KIAA0513: variants seen among roughly 807,000 people sequenced by gnomAD.
KIAA0513 encodes uncharacterized protein KIAA0513.
KIAA0513 carries 39 observed loss-of-function variants against 56.5 expected under a neutral mutation model. That is an observed-to-expected ratio of 0.69 (90% CI 0.53 to 0.90). KIAA0513 has a LOEUF of 0.90. Among genes scored for constraint, KIAA0513 ranks in the 40% least tolerant of loss-of-function variants. The pLI is 0.00. For synonymous variants in KIAA0513, 268 were observed against 215.6 expected (o/e 1.24, Z -2.13); for missense variants, 591 against 535.2 (o/e 1.10, Z -1.03).
intron 1 of KIAA0513, among the ~76,000 whole-genome samples, chr16:85,033,613 G>C (rs1425810676): frequency 5.9e-5 from 9 of 152,060 alleles, no homozygotes; most frequent in African/African-American, 2.2e-4. Flanking sequence ...ATCTGACCAA[G>C]GGTGAGCCCT....
intron 1 of KIAA0513, among the ~76,000 whole-genome samples, chr16:85,045,934 C>T (rs1311650072): frequency 2.0e-5 from 3 of 152,174 alleles, no homozygotes; most frequent in Admixed American, 1.3e-4. Context: ...CCTGCAGGGC[C>T]AGGCAGATGA....
chr16:85,045,574 T>C (rs879852761), intron 1 of KIAA0513, among the ~76,000 whole-genome samples: 9 of 152,322 alleles, frequency 5.9e-5, no homozygotes, highest in Non-Finnish European at 1.2e-4. Flanking sequence ...CAGACTGGTC[T>C]CGAACTCCTG....
chr16:85,035,272 C>G (rs1029476467), intron 1 of KIAA0513, among the ~76,000 whole-genome samples: 1 of 152,162 alleles, frequency 6.6e-6, no homozygotes, highest in African/African-American at 2.4e-5. Context: ...TGTTGTCCTG[C>G]TCGTTCTTCG....
rs1028307363 is a variant in KIAA0513 at position 85,081,605 on chromosome 16, G to T, written c.980+213G>T. On this transcript the variant is annotated intron_variant, in intron 9 of 12. Coordinates refer to ENST00000683363, the MANE Select transcript of KIAA0513 (RefSeq NM_001388359.1). This position sits in a 1 kb window ranked among gnomAD's most constrained non-coding sequence, Gnocchi z 4.4. ...AGCTTGCATGAGCGCTTTCTGTCCT[G>T]GGGCTCTGGCATGACTTGGCCTGAC... Among the ~76,000 whole-genome samples, 1 of 152,100 alleles carries T rather than the reference G, an allele frequency of 6.6e-6. No homozygotes were observed. The highest frequency in any genetic ancestry group is 1.5e-5 in the Non-Finnish European group (1 of 68,010).
intron 1 of KIAA0513, among the ~76,000 whole-genome samples, chr16:85,056,886 G>A (rs1204305679): frequency 6.6e-6 from 1 of 152,038 alleles, no homozygotes; most frequent in African/African-American, 2.4e-5. Context: ...TAAATATTTT[G>A]TAGAGACAAG....
chr16:85,087,328 G>T (rs978715130), intron 12 of KIAA0513, among the ~76,000 whole-genome samples, 162 bp downstream of exon 12: 12 of 152,220 alleles, frequency 7.9e-5, no homozygotes, highest in Non-Finnish European at 2.9e-5. Flanking sequence ...TCCCCAGTCT[G>T]TATAGACAGA....
At chr16:85,034,382 A>G (rs1213577281) in intron 1 of KIAA0513, among the ~76,000 whole-genome samples, 1 of 152,156 alleles carries the variant, frequency 6.6e-6, no homozygotes, top group Non-Finnish European at 1.5e-5. Context: ...CTCCATCTCA[A>G]TAAACAGCGA....
intron 1 of KIAA0513, among the ~76,000 whole-genome samples, chr16:85,055,948 C>T (rs1338115950): frequency 6.6e-6 from 1 of 152,232 alleles, no homozygotes; most frequent in African/African-American, 2.4e-5. Context: ...GCAATCTGTG[C>T]TTTTTCTTTC....
Position 85,082,597 on chromosome 16 carries a change from T to TAC in KIAA0513, c.1010+4_1010+5insAC, listed in dbSNP as rs1198784391. 1 of 1,614,102 alleles carries TAC rather than the reference T, an allele frequency of 6.2e-7. No individual in the cohort carries two copies. Among genetic ancestry groups the TAC allele is most frequent in the Admixed American group, 1.7e-5 (1 of 60,020 alleles). On this transcript the variant is annotated splice_donor_region_variant and intron_variant, in intron 10 of 12. Coordinates refer to ENST00000683363, the MANE Select transcript of KIAA0513 (RefSeq NM_001388359.1). ...CTGGAGAGGAGGAGGAGAAGAGGTG[T>TAC]GTGTGTCCACGTGACTTTGTTCCAT...
At chr16:85,051,511 C>G (rs1448590566) in intron 1 of KIAA0513, among the ~76,000 whole-genome samples, 2 of 152,204 alleles carry the variant, frequency 1.3e-5, no homozygotes. Context: ...CCGCTTCCCT[C>G]AAAAGGAGAC....
rs564628140 is a variant in KIAA0513, at chr16:85,046,486, C to T, written c.-173+18628C>T. ...AGCGGAGGCCCGTCTGCTCTGCCTTCGTCATTTCTAGTCCCCTTCGGTTAT... is the reference window on the plus strand; with the variant it reads ...AGCGGAGGCCCGTCTGCTCTGCCTTTGTCATTTCTAGTCCCCTTCGGTTAT... On this transcript the variant is annotated intron_variant, in intron 1 of 12. Transcript: ENST00000683363. 3.9e-5 allele frequency among the ~76,000 whole-genome samples: 6 copies of T among 152,330 alleles called. 1 individual carries two copies. In the South Asian group the frequency reaches 1.0e-3, roughly 26 times the overall value.
chr16:85,077,739 T>G lies in KIAA0513; in HGVS notation c.782+107T>G, dbSNP rs900012937. On this transcript the variant is annotated intron_variant, in intron 6 of 12. Transcript: ENST00000683363. ...GGGTGCGGGTGAGGCCCAGAGACTG[T>G]CAGGAACACTGCGCTGCCCAGCCAC... 9 of 799,224 alleles carry G rather than the reference T, an allele frequency of 1.1e-5. No homozygotes were observed. In the African/African-American group the frequency reaches 1.4e-4, roughly 12 times the overall value. 49.5% of individuals were successfully genotyped at this position (799,224 alleles called of 1,614,324 possible).
intron 1 of KIAA0513, among the ~76,000 whole-genome samples, chr16:85,043,988 C>G (rs2073138101): frequency 6.6e-6 from 1 of 152,138 alleles, no homozygotes; most frequent in Non-Finnish European, 1.5e-5. Context: ...GGAGATTGCG[C>G]CAGTGCACTC....
chr16:85,092,560 T>C lies in KIAA0513; in HGVS notation c.*4235T>C, dbSNP rs1361345144. On this transcript the variant is annotated 3_prime_UTR_variant, in exon 13 of 13. Coordinates refer to ENST00000683363, the MANE Select transcript of KIAA0513 (RefSeq NM_001388359.1). Reference sequence around the variant, plus strand: ...CAGCCACAAGGCGAAACGGCCAGATTCTCACTCAAGGTCGTTCTCACTCCT... The same window carrying C: ...CAGCCACAAGGCGAAACGGCCAGATCCTCACTCAAGGTCGTTCTCACTCCT... 1.3e-5 allele frequency: 2 copies of C among 152,164 alleles called. No individual in the cohort carries two copies. The highest frequency in any genetic ancestry group is 1.5e-5 in the Non-Finnish European group (1 of 68,024). The allele number at this position is 152,164 out of a possible 1,614,324, so 9.4% of individuals were successfully genotyped here.
chr16:85,029,219 T>G (rs2072929768), intron 1 of KIAA0513, among the ~76,000 whole-genome samples: 1 of 152,168 alleles, frequency 6.6e-6, no homozygotes, highest in Non-Finnish European at 1.5e-5. Flanking sequence ...CTCATGAGAT[T>G]TTTTTTCCAT....
intron 5 of KIAA0513, among the ~76,000 whole-genome samples, chr16:85,077,024 G>T (rs969096781): frequency 6.6e-6 from 1 of 150,744 alleles, no homozygotes; most frequent in African/African-American, 2.4e-5. Flanking sequence ...CCTCCTCCAG[G>T]CCCCCCCCCA....
At chr16:85,033,997 C>T (rs554610629) in intron 1 of KIAA0513, among the ~76,000 whole-genome samples, 1 of 152,240 alleles carries the variant, frequency 6.6e-6, no homozygotes, top group African/African-American at 2.4e-5. Flanking sequence ...ACCCCGTGGG[C>T]CATGCTCGCC....
intron 1 of KIAA0513, among the ~76,000 whole-genome samples, chr16:85,029,324 CCT>C (rs1776119534): frequency 2.6e-5 from 4 of 152,090 alleles, no homozygotes; most frequent in Admixed American, 2.6e-4. Flanking sequence ...CGTTTCTGGC[CCT>C]GTTTGCCTTT....
At chr16:85,042,697 A>G (rs578146021) in intron 1 of KIAA0513, among the ~76,000 whole-genome samples, 1 of 152,390 alleles carries the variant, frequency 6.6e-6, no homozygotes, top group Admixed American at 6.5e-5. Flanking sequence ...ATCAAAAAGT[A>G]GTAAATAATG....
Sources: allele counts gnomAD v4.1 joint callset (sites outside exome capture counted in the v4.1 genomes callset), GRCh38; gene constraint gnomAD v4.1.1; non-coding constraint Gnocchi (gnomAD v3.1); transcripts MANE v1.5; gene names NCBI Gene and HGNC (gene_info 2026-07-23, HGNC 2026-07-21).